PIEZO2: variants seen among roughly 807,000 people sequenced by gnomAD.
PIEZO2 encodes piezo-type mechanosensitive ion channel component 2.
A neutral mutation model predicts 337.3 loss-of-function variants in PIEZO2; 172 were observed. That is an observed-to-expected ratio of 0.51 (90% confidence interval 0.45 to 0.58). The LOEUF (loss-of-function observed/expected upper bound fraction) is 0.58. Among genes scored for constraint, PIEZO2 ranks in the 20% least tolerant of loss-of-function variants. PIEZO2 has a pLI of 0.00. For synonymous variants in PIEZO2, 1,251 were observed against 1,228.5 expected (o/e 1.02, Z -0.38); for missense variants, 3,028 against 3,391.3 (o/e 0.89, Z 2.66).
At chr18:10,684,752 C>T (rs916328767) in intron 49 of PIEZO2, among the ~76,000 whole-genome samples, 1 of 152,198 alleles carries the variant, frequency 6.6e-6, no homozygotes, top group Non-Finnish European at 1.5e-5. Context: ...AAGCGTGAGC[C>T]ACCACATTCA....
intron 2 of PIEZO2, among the ~76,000 whole-genome samples, chr18:11,024,804 A>AATTTTTAT (rs888163919): frequency 6.6e-6 from 1 of 151,718 alleles, no homozygotes; most frequent in East Asian, 2.0e-4. Flanking sequence ...ATACCTGGCT[A>AATTTTTAT]ATTTTTATAT....
intron 3 of PIEZO2, among the ~76,000 whole-genome samples, chr18:10,944,052 A>G (rs1051553098): frequency 3.9e-5 from 6 of 152,194 alleles, no homozygotes; most frequent in African/African-American, 1.4e-4. Context: ...TTTCTTTTGT[A>G]AATTGTCTAG....
intron 1 of PIEZO2, among the ~76,000 whole-genome samples, chr18:11,107,634 G>A (rs1185242872): frequency 1.3e-5 from 2 of 152,146 alleles, no homozygotes; most frequent in Non-Finnish European, 2.9e-5. Flanking sequence ...TGAGACTCAC[G>A]TTTAATATTA....
At position 10,795,374 on chromosome 18, in the gene PIEZO2, AT is replaced by A. The variant is rs2039556386; in HGVS notation, c.1528-373del. Among the ~76,000 whole-genome samples, 2 of 56,694 alleles carry A rather than the reference AT, an allele frequency of 3.5e-5. No individual in the cohort carries two copies. Among genetic ancestry groups the A allele is most frequent in the African/African-American group, 4.9e-5 (1 of 20,326 alleles). The allele number at this position is 56,694 out of a possible 152,430, so 37.2% of individuals were successfully genotyped here. On this transcript the variant is annotated intron_variant, in intron 12 of 55. Transcript: ENST00000674853. This position sits in a 1 kb window ranked among gnomAD's most constrained non-coding sequence, Gnocchi z 4.4. ...TTATTATTTTATTTTATTTTATTTT[AT>A]TTTATTTTATTTTATTTTATTTTAT...
At chr18:11,059,917 T>C (rs1331733072) in intron 2 of PIEZO2, among the ~76,000 whole-genome samples, 1 of 152,188 alleles carries the variant, frequency 6.6e-6, no homozygotes, top group East Asian at 1.9e-4. Flanking sequence ...CTCATAGACA[T>C]CTACAGAAGT....
chr18:10,826,725 A>C (rs2040688127), intron 7 of PIEZO2, among the ~76,000 whole-genome samples: 1 of 152,194 alleles, frequency 6.6e-6, no homozygotes, highest in Non-Finnish European at 1.5e-5. Context: ...TAATTTGCAG[A>C]CATTAAGGCA....
chr18:10,950,075 T>G (rs1175032791), intron 3 of PIEZO2, among the ~76,000 whole-genome samples: 1 of 152,206 alleles, frequency 6.6e-6, no homozygotes, highest in African/African-American at 2.4e-5. Flanking sequence ...TTGAACTCGA[T>G]TTACATTTGG....
Position 10,952,347 on chromosome 18 carries a change from C to G in PIEZO2, c.286+27188G>C. 6.6e-6 allele frequency among the ~76,000 whole-genome samples: 1 copy of G among 151,876 alleles called. No individual in the cohort carries two copies. Among genetic ancestry groups the G allele is most frequent in the South Asian group, 2.1e-4 (1 of 4,828 alleles). ...CTGTCAAAATGTAAAGTTCCATCAG[C>G]CCACCAAATTCTCCATGGTCATTGT... On this transcript the variant is annotated intron_variant, in intron 3 of 55. Coordinates refer to ENST00000674853, the MANE Select transcript of PIEZO2 (RefSeq NM_001378183.1). The surrounding 1 kb of genome is among the most constrained non-coding windows in gnomAD (Gnocchi z 4.1).
intron 7 of PIEZO2, among the ~76,000 whole-genome samples, chr18:10,842,722 T>C (rs867227954): frequency 5.3e-5 from 8 of 152,254 alleles, no homozygotes; most frequent in African/African-American, 1.7e-4. Context: ...TAAGACATTA[T>C]GTTGATTGTG....
In PIEZO2 at chr18:10,871,255, ATTC is replaced by A; in HGVS notation, c.487_489del (p.Glu163del). 6.5e-7 allele frequency: 1 copy of A among 1,536,128 alleles called. No homozygotes were observed. The highest frequency in any genetic ancestry group is 8.7e-7 in the Non-Finnish European group (1 of 1,146,442). On this transcript the variant is annotated inframe_deletion, in exon 5 of 56. Coordinates refer to ENST00000674853, the MANE Select transcript of PIEZO2 (RefSeq NM_001378183.1). ...AAGAGACATGGAGTTGGATTTACCA[ATTC>A]TTCATTTTCAAACTCCGGGTTACTC...
rs891131358 is a variant in PIEZO2, at chr18:11,146,619, A to T, written c.64+1906T>A. On this transcript the variant is annotated intron_variant, in intron 1 of 55. Transcript: ENST00000674853. This position sits in a 1 kb window ranked among gnomAD's most constrained non-coding sequence, Gnocchi z 6.1. ...AGGACTGACAGGCCCCAACCCCAGC[A>T]TCCGCGGGGCTTGGAGGCAGGTGAG... 2.6e-5 allele frequency among the ~76,000 whole-genome samples: 4 copies of T among 152,222 alleles called. No homozygotes were observed. The highest frequency in any genetic ancestry group is 9.6e-5 in the African/African-American group (4 of 41,470).
rs571633589 is a variant in PIEZO2, at chr18:11,097,906, T to C, written c.65-31684A>G. On this transcript the variant is annotated intron_variant, in intron 1 of 55. Coordinates refer to ENST00000674853, the MANE Select transcript of PIEZO2 (RefSeq NM_001378183.1). This position sits in a 1 kb window ranked among gnomAD's most constrained non-coding sequence, Gnocchi z 5.0. ...GGCAACAAAGAAAAAATGTGAGGCT[T>C]TTATTTTTCACCTCATAGTCTTCCA... 3.3e-4 allele frequency among the ~76,000 whole-genome samples: 51 copies of C among 152,336 alleles called. 1 individual carries two copies. The highest frequency in any genetic ancestry group is 2.9e-3 in the South Asian group (14 of 4,828).
At chr18:11,086,401 C>T (rs955155387) in intron 1 of PIEZO2, among the ~76,000 whole-genome samples, 6 of 151,400 alleles carry the variant, frequency 4.0e-5, no homozygotes, top group Admixed American at 3.9e-4. Flanking sequence ...CGCCTGTAGT[C>T]CCAGCTACTC....
rs1221364786 is a variant in PIEZO2, at chr18:10,828,893, C to T, written c.918-21619G>A. On this transcript the variant is annotated intron_variant, in intron 7 of 55. Coordinates refer to ENST00000674853, the MANE Select transcript of PIEZO2 (RefSeq NM_001378183.1). The surrounding 1 kb of genome is among the most constrained non-coding windows in gnomAD (Gnocchi z 4.1). ...GAGATTAACAACAGAGACAGTTGAGCTTTGCTGCTGGTTCATGCTGCTGCT... is the reference window on the plus strand; with the variant it reads ...GAGATTAACAACAGAGACAGTTGAGTTTTGCTGCTGGTTCATGCTGCTGCT... Among the ~76,000 whole-genome samples, 1 of 152,136 alleles carries T rather than the reference C, an allele frequency of 6.6e-6. No homozygotes were observed. The highest frequency in any genetic ancestry group is 1.5e-5 in the Non-Finnish European group (1 of 68,026).
chr18:10,990,805 T>C (rs1336013389), intron 2 of PIEZO2, among the ~76,000 whole-genome samples: 2 of 151,688 alleles, frequency 1.3e-5, no homozygotes, highest in African/African-American at 4.8e-5. Flanking sequence ...AAATAATATA[T>C]ATTGAATTTC....
chr18:10,784,830 T>C lies in PIEZO2; in HGVS notation c.2446A>G (p.Thr816Ala), dbSNP rs1339608775. 6.5e-7 allele frequency: 1 copy of C among 1,537,740 alleles called. No individual in the cohort carries two copies. The highest frequency in any genetic ancestry group is 8.7e-7 in the Non-Finnish European group (1 of 1,146,972). ...TTGCTGGGAATGGACTTGAGGTCTG[T>C]GAGTTCAAGGAACCGGTCATGGAAG... ...HYFHDRFLEL[T>A]DLKSIPSKED... Residue 816 changes from threonine to alanine, a missense_variant, in exon 17 of 56, where the codon ACA becomes GCA. Thr to Ala is a moderately conservative substitution (Grantham distance 58). Transcript: ENST00000674853. The surrounding 1 kb of genome is among the most constrained non-coding windows in gnomAD (Gnocchi z 4.5).
intron 2 of PIEZO2, among the ~76,000 whole-genome samples, chr18:11,064,296 G>A (rs556465872): frequency 6.6e-6 from 1 of 152,252 alleles, no homozygotes; most frequent in South Asian, 2.1e-4. Flanking sequence ...CATGGTTCTT[G>A]GTGCTAAATG....
At chr18:10,842,790 A>G (rs908110837) in intron 7 of PIEZO2, among the ~76,000 whole-genome samples, 3 of 152,288 alleles carry the variant, frequency 2.0e-5, no homozygotes, top group Non-Finnish European at 4.4e-5. Flanking sequence ...CACTATAAAT[A>G]TGTGCAGTTT....
rs202058003 is a variant in PIEZO2, at chr18:10,828,149, T to TTGTTTTTG, written c.918-20876_918-20875insCAAAAACA. 2.0e-5 allele frequency among the ~76,000 whole-genome samples: 3 copies of TTGTTTTTG among 151,224 alleles called. No individual in the cohort carries two copies. Among genetic ancestry groups the TTGTTTTTG allele is most frequent in the African/African-American group, 7.3e-5 (3 of 41,122 alleles). ...TTGTTTGTTTGTTTTTGTTTTTTTT[T>TTGTTTTTG]TTTTTTACAGTAAAACCAATCCTGT... On this transcript the variant is annotated intron_variant, in intron 7 of 55. Coordinates refer to ENST00000674853, the MANE Select transcript of PIEZO2 (RefSeq NM_001378183.1). The surrounding 1 kb of genome is among the most constrained non-coding windows in gnomAD (Gnocchi z 4.1).
Sources: allele counts gnomAD v4.1 joint callset (sites outside exome capture counted in the v4.1 genomes callset), GRCh38; gene constraint gnomAD v4.1.1; non-coding constraint Gnocchi (gnomAD v3.1); transcripts MANE v1.5; gene names NCBI Gene and HGNC (gene_info 2026-07-23, HGNC 2026-07-21).